Variants in SLC39A11 observed in about 807,000 individuals in gnomAD.
SLC39A11 encodes zinc transporter ZIP11.
SLC39A11 carries 33 observed loss-of-function variants against 36.1 expected under a neutral mutation model. The observed-to-expected ratio is 0.91, with a 90% CI of 0.69 to 1.22. The LOEUF (loss-of-function observed/expected upper bound fraction) is 1.22. SLC39A11 is among the 50% of genes most tolerant of loss of function. The probability of loss-of-function intolerance (pLI) is 0.00; values close to 1 mark genes in which losing one functional copy is unlikely to be tolerated. For missense variants in SLC39A11, 432 were observed against 430.3 expected (o/e 1.00, Z -0.03); for synonymous variants, 166 against 170.3 (o/e 0.97, Z 0.20).
At chr17:72,847,011 G>A (rs960615455) in intron 6 of SLC39A11, among the ~76,000 whole-genome samples, 2 of 152,116 alleles carry the variant, frequency 1.3e-5, no homozygotes, top group Non-Finnish European at 1.5e-5. Context: ...CACGAGCAGG[G>A]TCTTCCACCA....
intron 5 of SLC39A11, among the ~76,000 whole-genome samples, chr17:72,928,168 A>G (rs1448957994): frequency 6.6e-6 from 1 of 152,208 alleles, no homozygotes; most frequent in Non-Finnish European, 1.5e-5. Context: ...TAGCAGGATG[A>G]CTATTTGTAA....
At chr17:72,917,406 G>A (rs574758271) in intron 5 of SLC39A11, among the ~76,000 whole-genome samples, 16 of 152,210 alleles carry the variant, frequency 1.1e-4, no homozygotes, top group Non-Finnish European at 2.2e-4. Context: ...GAGTTGGGAG[G>A]AAACTGCGAG....
chr17:72,887,876 C>A (rs1249266179), intron 5 of SLC39A11, among the ~76,000 whole-genome samples: 4 of 152,202 alleles, frequency 2.6e-5, no homozygotes, highest in Non-Finnish European at 5.9e-5. Flanking sequence ...AAATACAAAC[C>A]TAAACCCTAA....
chr17:72,898,118 C>T (rs557338775), intron 5 of SLC39A11, among the ~76,000 whole-genome samples: 10 of 152,186 alleles, frequency 6.6e-5, no homozygotes, highest in African/African-American at 2.4e-4. Flanking sequence ...TAATAAGGCA[C>T]CAAAAAGTGT....
In SLC39A11 at chr17:72,806,772, G is replaced by A. The variant is rs531539331; in HGVS notation, c.601+42862C>T. On this transcript the variant is annotated intron_variant, in intron 6 of 9. Coordinates refer to ENST00000255559, the MANE Select transcript of SLC39A11 (RefSeq NM_139177.4). ...TAATTTCTGTATTTTTAGTAGAGAC[G>A]GGGTTGTGCCATGTTGGCCAGGCTG... is the stretch of plus-strand genomic sequence containing the variant. Among the ~76,000 whole-genome samples, 84 of 152,180 alleles carry A rather than the reference G, an allele frequency of 5.5e-4. 1 individual carries two copies. The highest frequency in any genetic ancestry group is 3.4e-3 in the Middle Eastern group (1 of 294).
intron 6 of SLC39A11, among the ~76,000 whole-genome samples, chr17:72,817,129 T>C (rs1470729062): frequency 6.6e-6 from 1 of 152,072 alleles, no homozygotes; most frequent in Admixed American, 6.5e-5. Context: ...GAGTAACTTA[T>C]AAAGAAAAGA....
chr17:72,999,512 G>A (rs1383382511), intron 4 of SLC39A11, among the ~76,000 whole-genome samples: 1 of 152,132 alleles, frequency 6.6e-6, no homozygotes, highest in Non-Finnish European at 1.5e-5. Context: ...CCATCAAACA[G>A]TTCTCATCAC....
chr17:72,829,301 T>C (rs1049472728), intron 6 of SLC39A11, among the ~76,000 whole-genome samples: 41 of 150,174 alleles, frequency 2.7e-4, no homozygotes, highest in African/African-American at 9.6e-4. Flanking sequence ...CAGTGAGCCA[T>C]GATTGCCTCA....
chr17:72,896,363 G>A (rs944441644), intron 5 of SLC39A11, among the ~76,000 whole-genome samples: 19 of 151,462 alleles, frequency 1.3e-4, no homozygotes, highest in African/African-American at 2.4e-4. Flanking sequence ...CACCACACCC[G>A]GCTAATTTTT....
intron 3 of SLC39A11, among the ~76,000 whole-genome samples, chr17:73,083,580 T>C (rs2060622303): frequency 6.6e-6 from 1 of 151,924 alleles, no homozygotes. Context: ...TCTGAACTAA[T>C]CAAGACTCCA....
At chr17:72,651,821 G>A (rs1468864493) in intron 7 of SLC39A11, among the ~76,000 whole-genome samples, 2 of 152,174 alleles carry the variant, frequency 1.3e-5, no homozygotes, top group African/African-American at 4.8e-5. Flanking sequence ...TTCATGAAGT[G>A]GAGTGGACAG....
intron 4 of SLC39A11, among the ~76,000 whole-genome samples, chr17:72,981,435 G>C (rs375544511): frequency 1.1e-4 from 16 of 152,114 alleles, no homozygotes; most frequent in African/African-American, 3.9e-4. Flanking sequence ...ACGGAGAAAA[G>C]ATGGATTATT....
intron 3 of SLC39A11, among the ~76,000 whole-genome samples, chr17:73,067,179 T>C (rs564463796): frequency 6.6e-6 from 1 of 152,340 alleles, no homozygotes; most frequent in African/African-American, 2.4e-5. Context: ...CTTTCAGTAA[T>C]AGAATATCAA....
intron 4 of SLC39A11, among the ~76,000 whole-genome samples, chr17:73,012,112 CA>C (rs1413676276): frequency 4.0e-5 from 6 of 150,962 alleles, no homozygotes; most frequent in Non-Finnish European, 8.9e-5. Context: ...CCATCTCTAC[CA>C]AAAAATAGAA....
At chr17:72,648,342 A>G (rs1368961407) in intron 9 of SLC39A11, among the ~76,000 whole-genome samples, 13 of 116,704 alleles carry the variant, frequency 1.1e-4, no homozygotes, top group Non-Finnish European at 1.8e-4. Context: ...AAAAAAAAAA[A>G]AAAAAGAAAA....
intron 4 of SLC39A11, among the ~76,000 whole-genome samples, chr17:72,985,606 T>C (rs2088685735): frequency 6.6e-6 from 1 of 151,952 alleles, no homozygotes; most frequent in Non-Finnish European, 1.5e-5. Context: ...AGAGACAGGG[T>C]TTCGCCATGT....
At chr17:72,742,560 T>C (rs1419601717) in intron 6 of SLC39A11, among the ~76,000 whole-genome samples, 1 of 152,204 alleles carries the variant, frequency 6.6e-6, no homozygotes, top group Non-Finnish European at 1.5e-5. Flanking sequence ...AAGCAAACTA[T>C]TTCCTGACAC....
chr17:73,038,361 C>G (rs2058993060), intron 3 of SLC39A11, among the ~76,000 whole-genome samples: 1 of 152,006 alleles, frequency 6.6e-6, no homozygotes. Context: ...GCTCAGAAGT[C>G]TCAATGCTGA....
chr17:72,715,497 A>G (rs1451410260), intron 7 of SLC39A11, among the ~76,000 whole-genome samples: 1 of 152,232 alleles, frequency 6.6e-6, no homozygotes, highest in Non-Finnish European at 1.5e-5. Context: ...ACGTTACAAC[A>G]TGATGACCCC....
Sources: allele counts gnomAD v4.1 joint callset (sites outside exome capture counted in the v4.1 genomes callset), GRCh38; gene constraint gnomAD v4.1.1; transcripts MANE v1.5; gene names NCBI Gene and HGNC (gene_info 2026-07-23, HGNC 2026-07-21).